Variants in IFT140 observed in about 807,000 individuals in gnomAD.
IFT140 encodes intraflagellar transport 140.
In IFT140, 133 loss-of-function variants were observed where a neutral mutation model predicts 164.6. The observed-to-expected ratio is 0.81, with a 90% CI of 0.70 to 0.93. The LOEUF is 0.93. Among genes scored for constraint, IFT140 ranks in the 40% least tolerant of loss-of-function variants. The pLI, the probability that IFT140 is intolerant of heterozygous loss-of-function variation, is 0.00. For missense variants in IFT140, 2,045 were observed against 1,972.3 expected (o/e 1.04, Z -0.70); for synonymous variants, 860 against 817.3 (o/e 1.05, Z -0.89).
In IFT140 at chr16:1,519,963, T is replaced by C. The variant is rs776809726; in HGVS notation, c.3958A>G (p.Lys1320Glu). ...CTGGTCTCCTGGTCCAGGGGGCTCT[T>C]GGCCTTGGCCTTGGCCAGGCACTTG... ...AYKCLAKAKA[K>E]SPLDQETRLA... The change falls in exon 29 of 31, where the codon AAG (lysine) becomes GAG (glutamate). Residue 1320 changes from lysine (K) to glutamate (E), a missense_variant. By Grantham distance (56) the Lys-to-Glu change is moderately conservative. Transcript: ENST00000426508. 4 of 1,599,060 alleles carry C rather than the reference T, an allele frequency of 2.5e-6. No homozygotes were observed. The African/African-American group carries it at 4.0e-5, about 16-fold the overall frequency.
Position 1,511,024 on chromosome 16 carries a change from C to T in IFT140, c.4309G>A (p.Glu1437Lys), listed in dbSNP as rs201642067. The change falls in exon 31 of 31, where the codon GAG (glutamate) becomes AAG (lysine). Residue 1437 changes from glutamate to lysine, a missense_variant. Glu to Lys is a moderately conservative substitution (Grantham distance 56, BLOSUM62 1). Transcript: ENST00000426508. ...TCCATGCTGTTGTGGCGGACCTGCT[C>T]GGGGACGGTGCGTGGCAGTGGGAGA... is the stretch of plus-strand genomic sequence containing the variant. ...LGLPLPRTVP[E>K]QVRHNSMEDA... The T allele has an allele frequency of 1.1e-4, 181 of 1,606,242 alleles. No homozygotes were observed. The highest frequency in any genetic ancestry group is 9.4e-4 in the East Asian group (42 of 44,704).
intron 2 of IFT140, among the ~76,000 whole-genome samples, chr16:1,609,499 C>T (rs1246166197): frequency 6.6e-6 from 1 of 152,208 alleles, no homozygotes; most frequent in African/African-American, 2.4e-5. Flanking sequence ...ACTGCTCACA[C>T]ATTGCCCCCC....
chr16:1,609,608 GGA>G (rs1188036435), intron 2 of IFT140, among the ~76,000 whole-genome samples: 1 of 152,204 alleles, frequency 6.6e-6, no homozygotes, highest in Non-Finnish European at 1.5e-5. Context: ...AACTTAGCAA[GGA>G]GAGAGATTCT....
Position 1,562,492 on chromosome 16 carries a change from G to A in IFT140, c.2068-376C>T, listed in dbSNP as rs577215981. On this transcript the variant is annotated intron_variant, in intron 17 of 30. Coordinates refer to ENST00000426508, the MANE Select transcript of IFT140 (RefSeq NM_014714.4). Reference sequence around the variant, plus strand: ...TCTGATTTAAAAATCAACAGTAGCAGGCTGCGCACAGTGGCTCACGCCTGT... The same window carrying A: ...TCTGATTTAAAAATCAACAGTAGCAAGCTGCGCACAGTGGCTCACGCCTGT... Among the ~76,000 whole-genome samples, 159 of 152,320 alleles carry A rather than the reference G, an allele frequency of 1.0e-3. 2 individuals carry two copies. Among genetic ancestry groups the A allele is most frequent in the African/African-American group, 3.4e-3 (140 of 41,572 alleles).
intron 19 of IFT140, among the ~76,000 whole-genome samples, chr16:1,530,470 C>A (rs1477877682): frequency 6.6e-6 from 1 of 152,206 alleles, no homozygotes; most frequent in Non-Finnish European, 1.5e-5. Context: ...ATTGTGCACA[C>A]CCTCTCCCGA....
At chr16:1,573,402 CTA>C (rs774589081) in intron 13 of IFT140, among the ~76,000 whole-genome samples, 3 of 152,026 alleles carry the variant, frequency 2.0e-5, no homozygotes, top group Non-Finnish European at 2.9e-5. Flanking sequence ...TTTAACATCT[CTA>C]TGTCAATACA....
At chr16:1,597,552 G>A (rs2035527921) in intron 4 of IFT140, among the ~76,000 whole-genome samples, 2 of 152,180 alleles carry the variant, frequency 1.3e-5, no homozygotes, top group African/African-American at 2.4e-5. Context: ...GCAGGGAAGC[G>A]CCTTGCACCA....
rs2141751237 is a variant in IFT140 at position 1,580,791 on chromosome 16, C to T, written c.1492G>A (p.Glu498Lys). 1.9e-6 allele frequency: 3 copies of T among 1,613,924 alleles called. No homozygotes were observed. In the East Asian group the frequency reaches 6.7e-5, roughly 36 times the overall value. The change falls in exon 13 of 31, where the codon GAG becomes AAG. Residue 498 changes from glutamate to lysine, a missense_variant. Transcript: ENST00000426508. Reference protein sequence around the residue: ...AMHEENVYTVESNRVQVRTWQ... With the variant: ...AMHEENVYTVKSNRVQVRTWQ... ...GTTCGAACTTGAACTCGGTTTGACTCCACCGTGTAAACGTTTTCTTCATGC... is the reference window on the plus strand; with the variant it reads ...GTTCGAACTTGAACTCGGTTTGACTTCACCGTGTAAACGTTTTCTTCATGC...
At chr16:1,598,415 G>T (rs1017737682) in intron 4 of IFT140, among the ~76,000 whole-genome samples, 1 of 152,042 alleles carries the variant, frequency 6.6e-6, no homozygotes, top group African/African-American at 2.4e-5. Context: ...CCGAGATGGC[G>T]CCACTGCACT....
At chr16:1,597,102 G>A (rs1053484624) in intron 4 of IFT140, among the ~76,000 whole-genome samples, 1 of 152,064 alleles carries the variant, frequency 6.6e-6, no homozygotes, top group Non-Finnish European at 1.5e-5. Context: ...GTTCTCCAGC[G>A]GCACGTCACT....
intron 29 of IFT140, 56 bp from the exon 30 acceptor site, chr16:1,518,413 C>T (rs1314625587): frequency 1.3e-6 from 2 of 1,540,190 alleles, no homozygotes; most frequent in African/African-American, 1.4e-5. Context: ...CTACTGCTAT[C>T]AGAGGTCAGA....
rs746371269 is a variant in IFT140, at chr16:1,568,183, G to T, written c.1770+34C>A. On this transcript the variant is annotated intron_variant, in intron 15 of 30. Coordinates refer to ENST00000426508, the MANE Select transcript of IFT140 (RefSeq NM_014714.4). ...GGCCTGGGAGGACAGAGGTGAGGAG[G>T]CGGAGTGGGCGAGTGGACGAGGGGT... 11 of 1,464,376 alleles carry T rather than the reference G, an allele frequency of 7.5e-6. No individual in the cohort carries two copies. In the South Asian group the frequency reaches 1.3e-4, roughly 18 times the overall value. The allele number at this position is 1,464,376 out of a possible 1,614,324, so 90.7% of individuals were successfully genotyped here.
chr16:1,552,123 CCT>C (rs1173600377), intron 19 of IFT140, among the ~76,000 whole-genome samples: 6 of 152,150 alleles, frequency 3.9e-5, no homozygotes, highest in African/African-American at 1.4e-4. Flanking sequence ...CTAGAGGCCC[CCT>C]GAGATTTTAA....
chr16:1,529,291 G>A (rs1019126959), intron 19 of IFT140, among the ~76,000 whole-genome samples: 5 of 152,202 alleles, frequency 3.3e-5, no homozygotes, highest in Admixed American at 6.5e-5. Context: ...CCAAACCCAC[G>A]GGCCAGGCCC....
intron 14 of IFT140, among the ~76,000 whole-genome samples, chr16:1,569,003 G>GTTTT (rs58205807): frequency 3.2e-5 from 4 of 126,292 alleles, no homozygotes; most frequent in Non-Finnish European, 3.4e-5. Context: ...GTGGTAGCTT[G>GTTTT]TTTTTTTTTT....
At chr16:1,542,962 A>G (rs2031790504) in intron 19 of IFT140, among the ~76,000 whole-genome samples, 1 of 152,240 alleles carries the variant, frequency 6.6e-6, no homozygotes, top group Non-Finnish European at 1.5e-5. Context: ...TGTTCTAGAC[A>G]AGTGCTTGAG....
intron 24 of IFT140, 45 bp downstream of exon 24, chr16:1,524,507 G>A (rs2040614978): frequency 6.2e-7 from 1 of 1,604,314 alleles, no homozygotes; most frequent in Admixed American, 1.7e-5. Flanking sequence ...GCTCTCCTCA[G>A]GGGACCTCGA....
chr16:1,584,961 G>C (rs2141825558), intron 10 of IFT140, among the ~76,000 whole-genome samples: 2 of 152,300 alleles, frequency 1.3e-5, no homozygotes, highest in Middle Eastern at 6.8e-3. Context: ...GTTGGACTTA[G>C]CAAAGACTTC....
intron 14 of IFT140, among the ~76,000 whole-genome samples, chr16:1,569,956 A>C (rs2033935745): frequency 6.6e-6 from 1 of 151,770 alleles, no homozygotes; most frequent in South Asian, 2.1e-4. Context: ...GGCCTGCTTT[A>C]TTTATTTTGT....
Sources: gnomAD v4.1 joint callset for allele counts (sites outside exome capture counted in the v4.1 genomes callset) on GRCh38, gnomAD v4.1.1 for gene constraint, MANE v1.5 for transcripts, NCBI Gene and HGNC (gene_info 2026-07-23, HGNC 2026-07-21) for gene names.